FTCDNL1: variants seen among roughly 807,000 people sequenced by gnomAD.
The protein encoded by FTCDNL1 is formiminotransferase cyclodeaminase N-terminal like, also known as formiminotransferase N-terminal subdomain-containing protein.
FTCDNL1 carries 11 observed loss-of-function variants against 5.9 expected under a neutral mutation model. That is an observed-to-expected ratio of 1.87 (90% CI 1.18 to 3.10). FTCDNL1 has a LOEUF of 3.10. Among genes scored for constraint, FTCDNL1 ranks in the 30% most tolerant of loss-of-function variants. The probability of loss-of-function intolerance (pLI) is 0.00; values close to 1 mark genes in which losing one functional copy is unlikely to be tolerated. For missense variants in FTCDNL1, 115 were observed against 65.5 expected (o/e 1.76, Z -2.61); for synonymous variants, 58 against 24.8 (o/e 2.34, Z -3.99).
At chr2:199,794,030 A>G (rs1256206927) in intron 3 of FTCDNL1, among the ~76,000 whole-genome samples, 1 of 152,238 alleles carries the variant, frequency 6.6e-6, no homozygotes, top group Non-Finnish European at 1.5e-5. Context: ...CAAATGAGTC[A>G]GCACCCTAGT....
At chr2:199,837,427 G>T (rs1408273672) in intron 3 of FTCDNL1, among the ~76,000 whole-genome samples, 1 of 152,134 alleles carries the variant, frequency 6.6e-6, no homozygotes, top group African/African-American at 2.4e-5. Context: ...AACTATATCA[G>T]AACCCAGCAT....
chr2:199,788,568 T>C (rs1169732513), intron 3 of FTCDNL1, among the ~76,000 whole-genome samples: 1 of 152,160 alleles, frequency 6.6e-6, no homozygotes, highest in Non-Finnish European at 1.5e-5. Context: ...GAGAAAAATT[T>C]ATTGTTTGCT....
chr2:199,821,202 T>A (rs1265659045), intron 3 of FTCDNL1, among the ~76,000 whole-genome samples: 1 of 151,922 alleles, frequency 6.6e-6, no homozygotes, highest in Non-Finnish European at 1.5e-5. Context: ...CAGGCTGGAG[T>A]GTAGTGGTGC....
the FTCDNL1 span, among the ~76,000 whole-genome samples, chr2:199,716,509 G>A: frequency 6.6e-6 from 1 of 152,100 alleles, no homozygotes; most frequent in African/African-American, 2.4e-5. Context: ...AAGAAAACGT[G>A]GAAGGCATAT....
chr2:199,815,543 C>T (rs1485898678), intron 4 of FTCDNL1, among the ~76,000 whole-genome samples: 2 of 150,314 alleles, frequency 1.3e-5, no homozygotes, highest in Non-Finnish European at 3.0e-5. Flanking sequence ...ACTGACATAA[C>T]CAAAAAAAAA....
At chr2:199,718,030 C>A in the FTCDNL1 span, among the ~76,000 whole-genome samples, 1 of 150,514 alleles carries the variant, frequency 6.6e-6, no homozygotes, top group African/African-American at 2.4e-5. Flanking sequence ...AATTCTCCTG[C>A]AAAATGGCCC....
At chr2:199,760,833 C>G (rs1698234880) in exon 4 of FTCDNL1, 1 of 702,190 alleles carries the variant, frequency 1.4e-6, no homozygotes, top group South Asian at 1.5e-5. Flanking sequence ...TTGCGCTTGT[C>G]CACTGGGAAT....
At chr2:199,759,397 G>GATTAAATTTCTT (rs1698184875), downstream of FTCDNL1, among the ~76,000 whole-genome samples, 1 of 151,876 alleles carries the variant, frequency 6.6e-6, no homozygotes, top group Non-Finnish European at 1.5e-5. Flanking sequence ...TGCGAGTTAG[G>GATTAAATTTCTT]AGATTTGGAT....
chr2:199,689,861 T>C, the FTCDNL1 span, among the ~76,000 whole-genome samples: 1 of 150,022 alleles, frequency 6.7e-6, no homozygotes, highest in Non-Finnish European at 1.5e-5. Context: ...CAAAGATGTA[T>C]GTGCACAATG....
intron 3 of FTCDNL1, among the ~76,000 whole-genome samples, chr2:199,820,547 G>C (rs1176049703): frequency 6.6e-6 from 1 of 152,164 alleles, no homozygotes; most frequent in East Asian, 1.9e-4. Context: ...TCTCCATACT[G>C]GACAGCACAG....
the FTCDNL1 span, among the ~76,000 whole-genome samples, chr2:199,726,919 T>A: frequency 6.6e-6 from 1 of 152,186 alleles, no homozygotes; most frequent in Non-Finnish European, 1.5e-5. Flanking sequence ...AATGAAGCAT[T>A]CTGGCTGCCC....
intron 3 of FTCDNL1, among the ~76,000 whole-genome samples, chr2:199,783,868 T>C (rs1699498413): frequency 6.6e-6 from 1 of 152,134 alleles, no homozygotes; most frequent in Non-Finnish European, 1.5e-5. Context: ...AAAAAGGATT[T>C]TGTATCATGT....
At chr2:199,760,220 C>CA (rs986546964), downstream of FTCDNL1, among the ~76,000 whole-genome samples, 4 of 139,774 alleles carry the variant, frequency 2.9e-5, no homozygotes, top group South Asian at 9.7e-4. Context: ...AAAAAAAAAA[C>CA]AAAAAACTCT....
chr2:199,849,988 G>C (rs1242008373), intron 1 of FTCDNL1, among the ~76,000 whole-genome samples: 2 of 152,162 alleles, frequency 1.3e-5, no homozygotes, highest in Non-Finnish European at 2.9e-5. Flanking sequence ...TCTGAGACAC[G>C]CGTTAAACTT....
chr2:199,677,386 A>G, the FTCDNL1 span, among the ~76,000 whole-genome samples: 5 of 152,300 alleles, frequency 3.3e-5, no homozygotes, highest in Non-Finnish European at 7.4e-5. Flanking sequence ...CTGAGACCAT[A>G]ATAACAACAG....
the FTCDNL1 span, among the ~76,000 whole-genome samples, chr2:199,743,556 G>A: frequency 2.1e-5 from 3 of 144,556 alleles, no homozygotes; most frequent in South Asian, 6.6e-4. Context: ...TGGAGTGGTG[G>A]AGACTCTCCC....
At chr2:199,801,799 G>A (rs1466061322) in intron 3 of FTCDNL1, among the ~76,000 whole-genome samples, 2 of 151,760 alleles carry the variant, frequency 1.3e-5, no homozygotes, top group African/African-American at 2.4e-5. Context: ...TTAGCCAGGC[G>A]TAGCGCCGGG....
exon 4 of FTCDNL1, chr2:199,760,668 G>T: frequency 1.7e-6 from 1 of 597,398 alleles, no homozygotes; most frequent in Non-Finnish European, 3.1e-6. Flanking sequence ...AGTAATTCTG[G>T]GTATGGTATA....
chr2:199,687,692 A>C, the FTCDNL1 span, among the ~76,000 whole-genome samples: 5 of 152,168 alleles, frequency 3.3e-5, no homozygotes, highest in African/African-American at 1.2e-4. Flanking sequence ...GTGATTAAAA[A>C]AACACAGAAA....
Sources: allele counts gnomAD v4.1 joint callset (sites outside exome capture counted in the v4.1 genomes callset), GRCh38; gene constraint gnomAD v4.1.1; transcripts MANE v1.5; gene names NCBI Gene and HGNC (gene_info 2026-07-23, HGNC 2026-07-21).